Variants in ESF1 observed in about 807,000 individuals in gnomAD.
ESF1 encodes ESF1 nucleolar pre-rRNA processing protein, also known as ESF1 homolog.
In ESF1, 58 loss-of-function variants were observed where a neutral mutation model predicts 92.0. That is an observed-to-expected ratio of 0.63 (90% confidence interval 0.51 to 0.78). The LOEUF (loss-of-function observed/expected upper bound fraction) is 0.78. ESF1 is among the 30% of genes least tolerant of loss of function. The pLI is 0.00. For synonymous variants in ESF1, 321 were observed against 313.7 expected (o/e 1.02, Z -0.24); for missense variants, 922 against 989.1 (o/e 0.93, Z 0.91).
intron 9 of ESF1, among the ~76,000 whole-genome samples, chr20:13,747,573 A>AGATGG (rs2050059320): frequency 6.6e-6 from 1 of 150,554 alleles, no homozygotes. Flanking sequence ...CAGCCTGCCG[A>AGATGG]CAGAGCGAGA....
rs151055137 is a variant in ESF1, at chr20:13,775,952, G to A, written c.956C>T (p.Thr319Met). ...AGATTCTTCTGGAAACAAATCTGCCGTATCATCTTCATCTTCAGAACTAGT... is the reference window on the plus strand; with the variant it reads ...AGATTCTTCTGGAAACAAATCTGCCATATCATCTTCATCTTCAGAACTAGT... Reference protein sequence around the residue: ...IETSSEDEDDTADLFPEESGF... With the variant: ...IETSSEDEDDMADLFPEESGF... Residue 319 changes from threonine to methionine, a missense_variant, in exon 3 of 14, where the codon ACG becomes ATG. Physicochemically the swap from Thr to Met is moderately conservative, Grantham distance 81. Transcript: ENST00000617257. The A allele has an allele frequency of 2.0e-5, 32 of 1,613,658 alleles. No homozygotes were observed. The highest frequency in any genetic ancestry group is 1.8e-4 in the South Asian group (16 of 91,056).
intron 9 of ESF1, among the ~76,000 whole-genome samples, chr20:13,758,333 A>G (rs1009808495): frequency 1.3e-5 from 2 of 152,228 alleles, no homozygotes; most frequent in African/African-American, 4.8e-5. Context: ...ACCACTTGTC[A>G]TATGATACAC....
intron 9 of ESF1, among the ~76,000 whole-genome samples, chr20:13,750,829 T>C (rs746627760): frequency 4.0e-5 from 6 of 151,638 alleles, no homozygotes; most frequent in Non-Finnish European, 8.8e-5. Flanking sequence ...CAATAAAAAA[T>C]GAACTAGGTA....
intron 2 of ESF1, among the ~76,000 whole-genome samples, chr20:13,777,387 AGTTT>A (rs545325838): frequency 1.5e-3 from 229 of 152,286 alleles, no homozygotes; most frequent in African/African-American, 5.3e-3. Context: ...GAAATGAACT[AGTTT>A]GTTTGGTGGA....
chr20:13,728,781 C>A (rs2049920585), intron 10 of ESF1, among the ~76,000 whole-genome samples: 1 of 151,748 alleles, frequency 6.6e-6, no homozygotes, highest in Non-Finnish European at 1.5e-5. Context: ...GCAGGAGAAT[C>A]ACTTGAACCC....
intron 1 of ESF1, 80 bp downstream of exon 1, chr20:13,784,800 G>C (rs1980591282): frequency 1.9e-6 from 1 of 531,668 alleles, no homozygotes; most frequent in African/African-American, 1.9e-5. Flanking sequence ...TTAGAGACTA[G>C]TTTTTTCCCC....
At position 13,714,835 on chromosome 20, in the gene ESF1, G is replaced by T; in HGVS notation, c.*39C>A. 1 of 1,474,942 alleles carries T rather than the reference G, an allele frequency of 6.8e-7. No homozygotes were observed. 91.4% of individuals were successfully genotyped at this position (1,474,942 alleles called of 1,614,324 possible). On this transcript the variant is annotated 3_prime_UTR_variant, in exon 14 of 14. Coordinates refer to ENST00000617257, the MANE Select transcript of ESF1 (RefSeq NM_001276380.2). ...CCTCCTATTATTTTTGTACATTTTA[G>T]GAAAAGATGTATTCAGTTCAAAAAT...
intron 2 of ESF1, among the ~76,000 whole-genome samples, chr20:13,779,403 C>T (rs1222530406): frequency 2.6e-5 from 4 of 152,140 alleles, no homozygotes; most frequent in Admixed American, 6.5e-5. Context: ...AATTTCTTTT[C>T]TTTAATTTAA....
intron 11 of ESF1, among the ~76,000 whole-genome samples, chr20:13,726,107 G>C (rs1166239640): frequency 2.0e-5 from 3 of 152,068 alleles, no homozygotes; most frequent in Non-Finnish European, 1.5e-5. Context: ...CATTATCTTT[G>C]GTCTAGAGCT....
chr20:13,748,487 C>T (rs1475132100), intron 9 of ESF1, among the ~76,000 whole-genome samples: 3 of 136,896 alleles, frequency 2.2e-5, no homozygotes, highest in Admixed American at 1.5e-4. Flanking sequence ...CACATATACA[C>T]ATATATATAC....
At position 13,715,107 on chromosome 20, in the gene ESF1, G is replaced by A. The variant is rs2049815187; in HGVS notation, c.2323C>T (p.Pro775Ser). The A allele has an allele frequency of 1.2e-6, 2 of 1,613,102 alleles. No individual in the cohort carries two copies. The highest frequency in any genetic ancestry group is 1.7e-5 in the Admixed American group (1 of 59,932). The change falls in exon 14 of 14, where the codon CCC becomes TCC. Residue 775 changes from proline to serine, a missense_variant. Physicochemically the swap from Pro to Ser is moderately conservative, Grantham distance 74. Transcript: ENST00000617257. ...GTTTTCTTGAAATTGGGATCTGAGGGGTCCAAATTGAACAAGTGGGAAGTG... is the reference window on the plus strand; with the variant it reads ...GTTTTCTTGAAATTGGGATCTGAGGAGTCCAAATTGAACAAGTGGGAAGTG... ...MYTSHLFNLD[P>S]SDPNFKKTKA...
At chr20:13,740,144 G>C (rs1365225531) in intron 9 of ESF1, among the ~76,000 whole-genome samples, 3 of 152,210 alleles carry the variant, frequency 2.0e-5, no homozygotes, top group Admixed American at 1.3e-4. Flanking sequence ...ATTGGTGTTG[G>C]ATTGGAAGTG....
Position 13,782,586 on chromosome 20 carries a change from T to C in ESF1, c.555A>G (p.Gln185=). The C allele has an allele frequency of 1.3e-6, 2 of 1,593,956 alleles. No individual in the cohort carries two copies. The highest frequency in any genetic ancestry group is 2.3e-5 in the East Asian group (1 of 44,402). ...HTTDSSLEEK[Q]RTLDSGTSEI... is the part of the protein sequence containing the mutation. Reference sequence around the variant, plus strand: ...CAGAGGTGCCTGAGTCTAATGTCCTTTGTTTTTCTTCGAGAGAAGAGTCTG... The same window carrying C: ...CAGAGGTGCCTGAGTCTAATGTCCTCTGTTTTTCTTCGAGAGAAGAGTCTG... Residue 185 remains glutamine, a synonymous_variant, in exon 2 of 14, where the codon CAA becomes CAG. Transcript: ENST00000617257.
At chr20:13,728,160 T>A (rs568647747) in intron 11 of ESF1, among the ~76,000 whole-genome samples, 1 of 152,240 alleles carries the variant, frequency 6.6e-6, no homozygotes, top group East Asian at 1.9e-4. Flanking sequence ...TTATCAAAAG[T>A]CTCCTATATT....
chr20:13,718,596 G>A (rs1368562350), intron 12 of ESF1, among the ~76,000 whole-genome samples: 3 of 151,954 alleles, frequency 2.0e-5, no homozygotes, highest in Non-Finnish European at 4.4e-5. Flanking sequence ...AGGTTTTAAG[G>A]GTATTTTCTG....
intron 10 of ESF1, among the ~76,000 whole-genome samples, chr20:13,730,724 A>G (rs1245838870): frequency 6.6e-6 from 1 of 151,286 alleles, no homozygotes; most frequent in African/African-American, 2.4e-5. Context: ...TTTTTACCAA[A>G]CTATTTTATG....
chr20:13,748,411 C>CATATATATACATATACACAT (rs1978379349), intron 9 of ESF1, among the ~76,000 whole-genome samples: 1 of 145,398 alleles, frequency 6.9e-6, no homozygotes, highest in Non-Finnish European at 1.5e-5. Context: ...TATATATACA[C>CATATATATACATATACACAT]ATATATATAC....
chr20:13,729,411 A>T (rs1254074587), intron 10 of ESF1, among the ~76,000 whole-genome samples: 4 of 152,242 alleles, frequency 2.6e-5, no homozygotes, highest in African/African-American at 9.6e-5. Flanking sequence ...ACACATAAAT[A>T]GACAAATACA....
chr20:13,761,371 G>C (rs1464462141), intron 8 of ESF1, among the ~76,000 whole-genome samples: 3 of 134,152 alleles, frequency 2.2e-5, no homozygotes, highest in Admixed American at 1.5e-4. Flanking sequence ...ACCCAAGAAT[G>C]ATCAATTAAA....
Sources: allele counts gnomAD v4.1 joint callset (sites outside exome capture counted in the v4.1 genomes callset), GRCh38; gene constraint gnomAD v4.1.1; transcripts MANE v1.5; gene names NCBI Gene and HGNC (gene_info 2026-07-23, HGNC 2026-07-21).